Variants in MTMR9 observed in about 807,000 individuals in gnomAD.
The protein encoded by MTMR9 is myotubularin-related protein 9.
A neutral mutation model predicts 69.5 loss-of-function variants in MTMR9; 39 were observed. That is an observed-to-expected ratio of 0.56 (90% CI 0.43 to 0.73). MTMR9 has a LOEUF of 0.73. MTMR9 is among the 30% of genes least tolerant of loss of function. MTMR9 has a pLI of 0.00. For synonymous variants in MTMR9, 354 were observed against 240.8 expected, an observed-to-expected ratio of 1.47 and a Z score of -4.35; for missense variants, 900 against 671.2, an observed-to-expected ratio of 1.34 and a Z score of -3.77.
chr8:11,330,957 A>G, downstream of MTMR9: 1 of 1,334,550 alleles, frequency 7.5e-7, no homozygotes, highest in Non-Finnish European at 1.0e-6. Flanking sequence ...AAAGAAGCAG[A>G]GTTGGACTCA....
chr8:11,309,760 T>C (rs1310722579), intron 6 of MTMR9, 72 bp downstream of exon 6: 7 of 1,512,024 alleles, frequency 4.6e-6, no homozygotes, highest in Non-Finnish European at 6.3e-6. Context: ...TCCAGACATA[T>C]GTTTATAGAT....
At chr8:11,310,552 A>T (rs1181689049) in intron 6 of MTMR9, among the ~76,000 whole-genome samples, 1 of 152,204 alleles carries the variant, frequency 6.6e-6, no homozygotes, top group Non-Finnish European at 1.5e-5. Flanking sequence ...ATCAAGGTAG[A>T]GTCCCTTGGG....
chr8:11,328,161 TG>T (rs958746042), downstream of MTMR9: 1 of 101,054 alleles, frequency 9.9e-6, no homozygotes, highest in Admixed American at 1.2e-4. Context: ...TGGGCTTATT[TG>T]AATTTTTTTT....
rs1214297516 is a variant in MTMR9, at chr8:11,315,039, C to T, written c.1088C>T (p.Ala363Val). The T allele has an allele frequency of 1.4e-5, 23 of 1,613,450 alleles. No individual in the cohort carries two copies. The highest frequency in any genetic ancestry group is 1.9e-5 in the Non-Finnish European group (23 of 1,179,650). ...AGCAGGACCATTCGTGGTTTTGAGGCCCTGATTGAAAGAGAGTGGCTGCAG... is the reference window on the plus strand; with the variant it reads ...AGCAGGACCATTCGTGGTTTTGAGGTCCTGATTGAAAGAGAGTGGCTGCAG... ...PRSRTIRGFE[A>V]LIEREWLQAG... Residue 363 changes from alanine (A) to valine (V), a missense_variant, in exon 7 of 10, where the codon GCC becomes GTC. Ala to Val is a moderately conservative substitution (Grantham distance 64). Coordinates refer to ENST00000221086, the MANE Select transcript of MTMR9 (RefSeq NM_015458.4).
intron 1 of MTMR9, among the ~76,000 whole-genome samples, chr8:11,285,805 G>C (rs1440751933): frequency 1.3e-5 from 2 of 152,148 alleles, no homozygotes; most frequent in Admixed American, 6.5e-5. Context: ...TCGCTAGCCA[G>C]GAGAGGGCAA....
intron 2 of MTMR9, among the ~76,000 whole-genome samples, chr8:11,299,061 C>G (rs1251126022): frequency 4.6e-5 from 7 of 152,176 alleles, no homozygotes; most frequent in African/African-American, 1.7e-4. Flanking sequence ...GGTGCGGTGG[C>G]TCACACATGT....
chr8:11,326,166 A>C lies in MTMR9; in HGVS notation c.*3378A>C, dbSNP rs1170238756. ...AGGAGTAATGTTTCGTTGCACTTTG[A>C]AAGATCTGCTTCAAGGCATAACTCG... On this transcript the variant is annotated 3_prime_UTR_variant, in exon 10 of 10. Transcript: ENST00000221086. The C allele has an allele frequency of 6.6e-6, 1 of 152,246 alleles. No individual in the cohort carries two copies. Among genetic ancestry groups the C allele is most frequent in the Non-Finnish European group, 1.5e-5 (1 of 68,046 alleles). The allele number at this position is 152,246 out of a possible 1,614,324, so 9.4% of individuals were successfully genotyped here. A position where few individuals can be genotyped will look rare whatever the true frequency, so the allele number is the denominator to read the frequency against.
At chr8:11,336,424 T>C in the MTMR9 span, among the ~76,000 whole-genome samples, 1 of 152,216 alleles carries the variant, frequency 6.6e-6, no homozygotes, top group Admixed American at 6.5e-5. Context: ...CTGTATTAGA[T>C]TCCCTTTGGT....
intron 3 of MTMR9, among the ~76,000 whole-genome samples, chr8:11,301,788 G>A (rs1275116366): frequency 1.3e-5 from 2 of 152,152 alleles, no homozygotes; most frequent in African/African-American, 4.8e-5. Context: ...TAATGCAAAT[G>A]TTAAGTAGCT....
rs146004990 is a variant in MTMR9, at chr8:11,310,337, C to T, written c.971+649C>T. On this transcript the variant is annotated intron_variant, in intron 6 of 9. Coordinates refer to ENST00000221086, the MANE Select transcript of MTMR9 (RefSeq NM_015458.4). The stretch of plus-strand genomic sequence containing the variant: ...AAATTCTTGCAGAAGCTTAGAATGC[C>T]GTTTCTAAGAAGGGGATTCCACTGA... 4.0e-3 allele frequency among the ~76,000 whole-genome samples: 611 copies of T among 152,242 alleles called. 6 individuals carry two copies. The highest frequency in any genetic ancestry group is 0.013 in the African/African-American group (549 of 41,542).
chr8:11,318,828 A>T (rs750201603), intron 8 of MTMR9: 3 of 152,156 alleles, frequency 2.0e-5, no homozygotes, highest in African/African-American at 7.2e-5. Flanking sequence ...TTTTCCCTAA[A>T]AGCTAAGTCT....
At chr8:11,328,582 GAA>G (rs1258357256), downstream of MTMR9, among the ~76,000 whole-genome samples, 4 of 152,058 alleles carry the variant, frequency 2.6e-5, no homozygotes. Context: ...AATGTAGAAA[GAA>G]AATGGAATTA....
chr8:11,315,092 G>T, intron 7 of MTMR9, 28 bp downstream of exon 7: 1 of 1,604,270 alleles, frequency 6.2e-7, no homozygotes. Context: ...ATTCACAGAG[G>T]AACTGCTTAT....
chr8:11,300,173 G>T, intron 3 of MTMR9, 25 bp downstream of exon 3: 1 of 1,609,810 alleles, frequency 6.2e-7, no homozygotes, highest in Non-Finnish European at 8.5e-7. Context: ...GAGAACTGTG[G>T]ATTATGAGAA....
chr8:11,325,501 C>G lies in MTMR9; in HGVS notation c.*2713C>G, dbSNP rs980876525. 1 of 152,156 alleles carries G rather than the reference C, an allele frequency of 6.6e-6. No homozygotes were observed. The highest frequency in any genetic ancestry group is 1.5e-5 in the Non-Finnish European group (1 of 68,034). The allele number at this position is 152,156 out of a possible 1,614,324, so 9.4% of individuals were successfully genotyped here. On this transcript the variant is annotated 3_prime_UTR_variant, in exon 10 of 10. Coordinates refer to ENST00000221086, the MANE Select transcript of MTMR9 (RefSeq NM_015458.4). Reference sequence around the variant, plus strand: ...TAATCACGTGAGGGATAATCAGATTCCTGCGTATTCAGCATCTTCTCTATT... The same window carrying G: ...TAATCACGTGAGGGATAATCAGATTGCTGCGTATTCAGCATCTTCTCTATT...
At position 11,309,706 on chromosome 8, in the gene MTMR9, G is replaced by A. The variant is rs557530768; in HGVS notation, c.971+18G>A. ...ATCGACAGGTAAAGTGCATTTCAGC[G>A]TTCCTGAGCGAAACATGGCGCTGCT... On this transcript the variant is annotated intron_variant, in intron 6 of 9. Transcript: ENST00000221086. 321 of 1,610,942 alleles carry A rather than the reference G, an allele frequency of 2.0e-4. No homozygotes were observed. The South Asian group carries it at 2.5e-3, about 12-fold the overall frequency.
chr8:11,304,469 A>G (rs1185572683), intron 3 of MTMR9, among the ~76,000 whole-genome samples: 21 of 152,246 alleles, frequency 1.4e-4, no homozygotes, highest in Admixed American at 1.4e-3. Flanking sequence ...CTTGGAGAAT[A>G]GAACACTAAG....
At chr8:11,306,457 T>G (rs1352515057) in intron 5 of MTMR9, 50 bp downstream of exon 5, 4 of 1,527,202 alleles carry the variant, frequency 2.6e-6, no homozygotes, top group Admixed American at 3.4e-5. Flanking sequence ...CTAATTATAG[T>G]GGGTAAGGCC....
intron 1 of MTMR9, among the ~76,000 whole-genome samples, chr8:11,294,215 T>C (rs1585110317): frequency 6.6e-6 from 1 of 152,280 alleles, no homozygotes; most frequent in East Asian, 1.9e-4. Flanking sequence ...TTTTTAATCC[T>C]TTTTTATTCT....
Sources: gnomAD v4.1 joint callset for allele counts (sites outside exome capture counted in the v4.1 genomes callset) on GRCh38, gnomAD v4.1.1 for gene constraint, MANE v1.5 for transcripts, NCBI Gene and HGNC (gene_info 2026-07-23, HGNC 2026-07-21) for gene names.